The following LRPPRC variants were observed in gnomAD, a reference collection of about 807,000 sequenced individuals.
LRPPRC encodes leucine-rich PPR motif-containing protein, mitochondrial.
A neutral mutation model predicts 180.3 loss-of-function variants in LRPPRC; 120 were observed. The ratio of observed to expected loss-of-function variants is 0.67; its 90% CI spans 0.57 to 0.77. LRPPRC has a LOEUF of 0.77. Among genes scored for constraint, LRPPRC ranks in the 30% least tolerant of loss-of-function variants. The pLI is 0.00. For synonymous variants in LRPPRC, 723 were observed against 600.0 expected, an observed-to-expected ratio of 1.21 and a Z score of -3.00; for missense variants, 2,012 against 1,657.2, an observed-to-expected ratio of 1.21 and a Z score of -3.72.
intron 12 of LRPPRC, among the ~76,000 whole-genome samples, chr2:43,961,922 C>A (rs1673363080): frequency 6.6e-6 from 1 of 152,116 alleles, no homozygotes; most frequent in South Asian, 2.1e-4. Flanking sequence ...CAGATCGCAC[C>A]ACTGCACTCT....
chr2:43,912,383 C>T (rs770497857), intron 30 of LRPPRC, 49 bp downstream of exon 30: 1 of 1,555,454 alleles, frequency 6.4e-7, no homozygotes. Context: ...CTAATGGCAG[C>T]CAATATTCTT....
chr2:43,975,263 T>A (rs766982925), intron 6 of LRPPRC, 46 bp from the exon 7 acceptor site: 1 of 1,542,836 alleles, frequency 6.5e-7, no homozygotes. Flanking sequence ...TTGCCAAATT[T>A]AATATAGTTA....
At chr2:43,976,343 C>A (rs1459797244) in intron 5 of LRPPRC, 114 bp from the exon 6 acceptor site, 2 of 680,420 alleles carry the variant, frequency 2.9e-6, no homozygotes, top group Non-Finnish European at 2.6e-6. Context: ...TAGTAATATA[C>A]ATTTGTTTTA....
chr2:43,956,410 G>A (rs1271614119), intron 14 of LRPPRC, among the ~76,000 whole-genome samples: 2 of 151,898 alleles, frequency 1.3e-5, no homozygotes, highest in African/African-American at 4.8e-5. Context: ...ATTCTTAAGA[G>A]AAATATGCTG....
chr2:43,976,405 A>C (rs757686150), intron 5 of LRPPRC, among the ~76,000 whole-genome samples, 176 bp from the exon 6 acceptor site: 3 of 151,930 alleles, frequency 2.0e-5, no homozygotes, highest in Non-Finnish European at 4.4e-5. Flanking sequence ...ACAAAACCCC[A>C]CTCTCTAATG....
intron 30 of LRPPRC, among the ~76,000 whole-genome samples, 154 bp from the exon 31 acceptor site, chr2:43,905,934 T>C (rs1671053537): frequency 6.6e-6 from 1 of 152,254 alleles, no homozygotes; most frequent in African/African-American, 2.4e-5. Flanking sequence ...TGTGTTATCC[T>C]GTCAATGGTT....
At chr2:43,916,841 A>C (rs1393105555) in intron 29 of LRPPRC, among the ~76,000 whole-genome samples, 1 of 151,486 alleles carries the variant, frequency 6.6e-6, no homozygotes, top group African/African-American at 2.4e-5. Context: ...GCTACTTGGG[A>C]AACTGAGGTA....
chr2:43,945,439 A>G (rs1672646297), intron 21 of LRPPRC, 22 bp from the exon 22 acceptor site: 1 of 1,432,972 alleles, frequency 7.0e-7, no homozygotes, highest in Non-Finnish European at 9.9e-7. Context: ...AGCCACATTT[A>G]TATTGTTTTA....
chr2:43,941,395 T>C (rs1370660427), intron 23 of LRPPRC, among the ~76,000 whole-genome samples: 1 of 152,190 alleles, frequency 6.6e-6, no homozygotes, highest in Non-Finnish European at 1.5e-5. Context: ...AGGGTGAAGA[T>C]TTATGATGAT....
chr2:43,909,678 G>T (rs1282312087), intron 30 of LRPPRC, among the ~76,000 whole-genome samples: 2 of 151,532 alleles, frequency 1.3e-5, no homozygotes, highest in African/African-American at 4.8e-5. Context: ...TCTGGAAGGG[G>T]AAGGATATGT....
At chr2:43,915,053 C>CAAAAAAAAA (rs71393213) in intron 29 of LRPPRC, among the ~76,000 whole-genome samples, 3 of 96,890 alleles carry the variant, frequency 3.1e-5, no homozygotes, top group Non-Finnish European at 6.7e-5. Flanking sequence ...ACTAAAAATA[C>CAAAAAAAAA]AAAAAAAAAA....
intron 11 of LRPPRC, among the ~76,000 whole-genome samples, chr2:43,971,492 A>AAAAAAAAAG (rs1673805532): frequency 6.8e-6 from 1 of 147,006 alleles, no homozygotes; most frequent in Non-Finnish European, 1.5e-5. Flanking sequence ...CAGTAAAAAA[A>AAAAAAAAAG]AAAAAAAAAA....
chr2:43,910,084 A>G (rs994773088), intron 30 of LRPPRC, among the ~76,000 whole-genome samples: 4 of 152,188 alleles, frequency 2.6e-5, no homozygotes, highest in Admixed American at 6.5e-5. Flanking sequence ...TCATTGAAAC[A>G]ATGTTGGTTC....
chr2:43,984,242 A>C (rs968395671), intron 1 of LRPPRC, among the ~76,000 whole-genome samples: 2 of 152,040 alleles, frequency 1.3e-5, no homozygotes, highest in African/African-American at 4.8e-5. Context: ...AATATTAGTC[A>C]ACAACAAAAG....
chr2:43,984,372 A>T (rs892666487), intron 1 of LRPPRC, among the ~76,000 whole-genome samples: 1 of 152,230 alleles, frequency 6.6e-6, no homozygotes, highest in African/African-American at 2.4e-5. Context: ...TATTTTTTAA[A>T]TGTAAGAGAA....
intron 29 of LRPPRC, among the ~76,000 whole-genome samples, chr2:43,914,599 G>A (rs533229924): frequency 2.6e-5 from 4 of 151,998 alleles, no homozygotes; most frequent in African/African-American, 9.6e-5. Context: ...GTGGTGGGGG[G>A]TGCCTGTAAT....
At chr2:43,964,361 C>T (rs907502533) in intron 11 of LRPPRC, among the ~76,000 whole-genome samples, 7 of 152,102 alleles carry the variant, frequency 4.6e-5, no homozygotes, top group African/African-American at 1.7e-4. Flanking sequence ...TCAAATAGAT[C>T]CAGTTAATTC....
chr2:43,985,472 A>G (rs139545346), intron 1 of LRPPRC, among the ~76,000 whole-genome samples: 3 of 152,292 alleles, frequency 2.0e-5, no homozygotes. Context: ...AAAATGCCCC[A>G]TGCTCTATCT....
At position 43,944,491 on chromosome 2, in the gene LRPPRC, A is replaced by T. The variant is rs145554385; in HGVS notation, c.2297-597T>A. 1.4e-3 allele frequency among the ~76,000 whole-genome samples: 208 copies of T among 152,242 alleles called. 2 individuals carry two copies. The highest frequency in any genetic ancestry group is 0.011 in the Admixed American group (162 of 15,274). ...ATAATGTTGTTCTTAATTATTACAC[A>T]GACAAAATGTTTTGACCACTTTACA... On this transcript the variant is annotated intron_variant, in intron 22 of 37. Coordinates refer to ENST00000260665, the MANE Select transcript of LRPPRC (RefSeq NM_133259.4).
Sources: gnomAD v4.1 joint callset for allele counts (sites outside exome capture counted in the v4.1 genomes callset) on GRCh38, gnomAD v4.1.1 for gene constraint, MANE v1.5 for transcripts, NCBI Gene and HGNC (gene_info 2026-07-23, HGNC 2026-07-21) for gene names.